The following CDK6 variants were observed in gnomAD, a reference collection of about 807,000 sequenced individuals.
CDK6 encodes the protein cyclin-dependent kinase 6.
CDK6 carries 6 observed loss-of-function variants against 37.1 expected under a neutral mutation model. The observed-to-expected ratio is 0.16, with a 90% CI of 0.09 to 0.32. CDK6 has a LOEUF of 0.32. CDK6 is among the 10% of genes least tolerant of loss of function. The probability of loss-of-function intolerance (pLI) is 1.00; values close to 1 mark genes in which losing one functional copy is unlikely to be tolerated. For missense variants in CDK6, 224 were observed against 418.9 expected, an observed-to-expected ratio of 0.53 and a Z score of 4.06; for synonymous variants, 160 against 161.3, an observed-to-expected ratio of 0.99 and a Z score of 0.06.
intron 5 of CDK6, among the ~76,000 whole-genome samples, chr7:92,635,390 TG>T (rs553900386): frequency 4.5e-4 from 68 of 152,294 alleles, no homozygotes; most frequent in Middle Eastern, 6.8e-3. Flanking sequence ...GCTCTGTAAC[TG>T]ATTAACAAAT....
In CDK6 at chr7:92,736,228, T is replaced by C. The variant is rs538851991; in HGVS notation, c.370-10435A>G. 3.9e-5 allele frequency among the ~76,000 whole-genome samples: 6 copies of C among 152,240 alleles called. No individual in the cohort carries two copies. In the South Asian group the frequency reaches 8.3e-4, roughly 21 times the overall value. The stretch of plus-strand genomic sequence containing the variant: ...GTGTATTATGGTTATATATATGACA[T>C]AGGATATTATGCTTAAGCACTTTAT... On this transcript the variant is annotated intron_variant, in intron 3 of 7. Coordinates refer to ENST00000424848, the MANE Select transcript of CDK6 (RefSeq NM_001145306.2).
At chr7:92,722,558 A>G (rs1375018927) in intron 4 of CDK6, among the ~76,000 whole-genome samples, 2 of 152,232 alleles carry the variant, frequency 1.3e-5, no homozygotes, top group Non-Finnish European at 2.9e-5. Context: ...CAATAAATCA[A>G]TCAGGACTAG....
chr7:92,704,792 G>A (rs964789944), intron 4 of CDK6, among the ~76,000 whole-genome samples: 6 of 152,198 alleles, frequency 3.9e-5, no homozygotes, highest in Non-Finnish European at 7.3e-5. Flanking sequence ...ATGCTGCAGA[G>A]TATTCCTGAA....
At chr7:92,700,705 G>C (rs979234620) in intron 4 of CDK6, among the ~76,000 whole-genome samples, 20 of 152,264 alleles carry the variant, frequency 1.3e-4, no homozygotes. Context: ...GAGATAGCAT[G>C]TACAGGCTAT....
At chr7:92,660,217 A>C (rs890490039) in intron 5 of CDK6, among the ~76,000 whole-genome samples, 3 of 152,204 alleles carry the variant, frequency 2.0e-5, no homozygotes, top group African/African-American at 7.2e-5. Flanking sequence ...GTGTGCATGG[A>C]AAGATAGTGG....
chr7:92,709,822 A>C (rs1193297574), intron 4 of CDK6, among the ~76,000 whole-genome samples: 1 of 152,164 alleles, frequency 6.6e-6, no homozygotes, highest in East Asian at 1.9e-4. Flanking sequence ...CATACTCAAA[A>C]AGTGTTTGCT....
rs188534111 is a variant in CDK6, at chr7:92,745,948, T to A, written c.370-20155A>T. 4.0e-3 allele frequency among the ~76,000 whole-genome samples: 602 copies of A among 152,306 alleles called. 6 individuals carry two copies. Among genetic ancestry groups the A allele is most frequent in the Non-Finnish European group, 5.3e-3 (358 of 68,024 alleles). ...CCAAAGAGGTAGTCCCTATTATCAG[T>A]TTGTTGTATATTCTTCCAGGTTTGG... On this transcript the variant is annotated intron_variant, in intron 3 of 7. Coordinates refer to ENST00000424848, the MANE Select transcript of CDK6 (RefSeq NM_001145306.2).
At chr7:92,653,553 C>T (rs1796623110) in intron 5 of CDK6, among the ~76,000 whole-genome samples, 2 of 152,160 alleles carry the variant, frequency 1.3e-5, no homozygotes, top group Admixed American at 6.5e-5. Context: ...CTGGAATCAC[C>T]GTTTATGTGA....
intron 3 of CDK6, among the ~76,000 whole-genome samples, chr7:92,740,569 G>A (rs1440341235): frequency 2.0e-5 from 3 of 152,154 alleles, no homozygotes; most frequent in Non-Finnish European, 1.5e-5. Context: ...GGAAATGGGG[G>A]TGGGATGAGA....
At chr7:92,777,456 G>C (rs1454129336) in intron 2 of CDK6, among the ~76,000 whole-genome samples, 2 of 152,328 alleles carry the variant, frequency 1.3e-5, no homozygotes, top group Admixed American at 1.3e-4. Context: ...ATGTTGGTCA[G>C]ACTGGTCTCA....
In CDK6 at chr7:92,615,056, C is replaced by A. The variant is rs1164209241; in HGVS notation, c.*84G>T. 7.0e-7 allele frequency: 1 copy of A among 1,434,346 alleles called. No homozygotes were observed. Among genetic ancestry groups the A allele is most frequent in the African/African-American group, 1.4e-5 (1 of 70,728 alleles). 88.9% of individuals were successfully genotyped at this position (1,434,346 alleles called of 1,614,324 possible). Reference sequence around the variant, plus strand: ...AAGGCCTCCAGATAGCAATCCTCCACAGCTCTGTAGGGCTTGCTGAGGGGG... The same window carrying A: ...AAGGCCTCCAGATAGCAATCCTCCAAAGCTCTGTAGGGCTTGCTGAGGGGG... On this transcript the variant is annotated 3_prime_UTR_variant, in exon 8 of 8. Coordinates refer to ENST00000424848, the MANE Select transcript of CDK6 (RefSeq NM_001145306.2).
Position 92,693,570 on chromosome 7 carries a change from A to G in CDK6, c.538-22035T>C, listed in dbSNP as rs560489845. Among the ~76,000 whole-genome samples the G allele has an allele frequency of 4.6e-5, 7 of 152,334 alleles. No homozygotes were observed. The East Asian group carries it at 9.6e-4, about 21-fold the overall frequency. On this transcript the variant is annotated intron_variant, in intron 4 of 7. Transcript: ENST00000424848. The stretch of plus-strand genomic sequence containing the variant: ...TAATTAATTCATCATTATATACTTT[A>G]ACATGTTTTAATTTTTCATAATGAG...
intron 4 of CDK6, among the ~76,000 whole-genome samples, chr7:92,674,731 C>T (rs983636507): frequency 6.6e-6 from 1 of 152,218 alleles, no homozygotes; most frequent in Non-Finnish European, 1.5e-5. Context: ...AAGGCACACA[C>T]TTATCTTTCT....
intron 4 of CDK6, among the ~76,000 whole-genome samples, chr7:92,713,497 A>G (rs1217508353): frequency 6.6e-6 from 1 of 152,110 alleles, no homozygotes; most frequent in South Asian, 2.1e-4. Context: ...ATGTTCCCTG[A>G]CTTAAATTAA....
chr7:92,717,850 T>C (rs1181750858), intron 4 of CDK6, among the ~76,000 whole-genome samples: 1 of 152,240 alleles, frequency 6.6e-6, no homozygotes, highest in Admixed American at 6.5e-5. Flanking sequence ...CAGCTTTCTG[T>C]GCAGTATGGA....
chr7:92,677,468 A>T (rs1300873151), intron 4 of CDK6, among the ~76,000 whole-genome samples: 1 of 152,110 alleles, frequency 6.6e-6, no homozygotes, highest in Non-Finnish European at 1.5e-5. Flanking sequence ...AAATAAAAAA[A>T]ATTAGCCAGG....
chr7:92,742,005 T>C (rs1251591692), intron 3 of CDK6, among the ~76,000 whole-genome samples: 3 of 152,244 alleles, frequency 2.0e-5, no homozygotes, highest in East Asian at 3.9e-4. Context: ...CATAAAATTA[T>C]TGGAAAAGTA....
intron 2 of CDK6, among the ~76,000 whole-genome samples, chr7:92,829,056 G>A (rs1801408911): frequency 6.6e-6 from 1 of 152,108 alleles, no homozygotes. Flanking sequence ...GGATTCTCAT[G>A]AACTAATCCA....
chr7:92,815,850 A>G (rs1437913387), intron 2 of CDK6, among the ~76,000 whole-genome samples: 1 of 152,168 alleles, frequency 6.6e-6, no homozygotes, highest in African/African-American at 2.4e-5. Context: ...CTGAGAAAAG[A>G]TCACCAAGGA....
Sources: allele counts gnomAD v4.1 joint callset (sites outside exome capture counted in the v4.1 genomes callset), GRCh38; gene constraint gnomAD v4.1.1; transcripts MANE v1.5; gene names NCBI Gene and HGNC (gene_info 2026-07-23, HGNC 2026-07-21).